Variants in CELF4 observed in about 807,000 individuals in gnomAD.
CELF4 encodes the protein CUG-BP- and ETR-3-like factor 4.
Under a neutral mutation model 59.9 loss-of-function variants are expected in CELF4, and 18 were observed. The ratio of observed to expected loss-of-function variants is 0.30; its 90% confidence interval spans 0.21 to 0.45. The LOEUF (loss-of-function observed/expected upper bound fraction) is 0.45, where lower values mean the gene tolerates loss of function less well. Ranked by LOEUF, CELF4 falls within the 20% of genes least tolerant of loss-of-function variation. The pLI is 1.00. For missense variants in CELF4, 456 were observed against 689.0 expected (o/e 0.66, Z 3.79); for synonymous variants, 261 against 267.1 (o/e 0.98, Z 0.22).
intron 10 of CELF4, among the ~76,000 whole-genome samples, chr18:37,262,606 C>T (rs2075411377): frequency 6.6e-6 from 1 of 152,040 alleles, no homozygotes; most frequent in Non-Finnish European, 1.5e-5. Context: ...AAGGGTGGGG[C>T]AGGATTTAGA....
At chr18:37,464,395 C>G (rs769882071) in intron 2 of CELF4, among the ~76,000 whole-genome samples, 1 of 152,194 alleles carries the variant, frequency 6.6e-6, no homozygotes, top group African/African-American at 2.4e-5. Flanking sequence ...AGACTCCCAT[C>G]GATGCCTAGC....
At chr18:37,370,243 G>A (rs966675207) in intron 2 of CELF4, among the ~76,000 whole-genome samples, 5 of 152,146 alleles carry the variant, frequency 3.3e-5, no homozygotes, top group African/African-American at 7.2e-5. Flanking sequence ...TCCCGAGCCC[G>A]AGGGGAAGGA....
chr18:37,362,554 G>A (rs2154560728), intron 2 of CELF4, among the ~76,000 whole-genome samples: 1 of 152,186 alleles, frequency 6.6e-6, no homozygotes, highest in East Asian at 1.9e-4. Flanking sequence ...TGCCGGGCTG[G>A]GCACCCTTCT....
chr18:37,559,908 C>T (rs4799456), intron 1 of CELF4, among the ~76,000 whole-genome samples: 150,293 of 152,318 alleles, frequency 0.99, 74,180 homozygotes, highest in Middle Eastern at 1. Context: ...CTCAGAACTT[C>T]ACTACATGAG....
chr18:37,540,323 TG>T (rs1161172216), intron 1 of CELF4, among the ~76,000 whole-genome samples: 2 of 152,264 alleles, frequency 1.3e-5, no homozygotes, highest in Admixed American at 1.3e-4. Context: ...ATCTCTCATT[TG>T]TAAGTAAAAC....
intron 2 of CELF4, among the ~76,000 whole-genome samples, chr18:37,366,531 C>T (rs2098786325): frequency 6.6e-6 from 1 of 152,188 alleles, no homozygotes; most frequent in Non-Finnish European, 1.5e-5. Flanking sequence ...CCCATTCTTC[C>T]CCACACTCCG....
At chr18:37,335,560 CTGTGTAAG>C (rs1393069333) in intron 2 of CELF4, among the ~76,000 whole-genome samples, 1 of 151,262 alleles carries the variant, frequency 6.6e-6, no homozygotes, top group Non-Finnish European at 1.5e-5. Context: ...GATGTGCGTG[CTGTGTAAG>C]TGTGGGAGTG....
chr18:37,390,094 G>A (rs1157647828), intron 2 of CELF4, among the ~76,000 whole-genome samples: 1 of 152,212 alleles, frequency 6.6e-6, no homozygotes, highest in East Asian at 1.9e-4. Context: ...TGGCCCCTCT[G>A]CCCCTGCTAG....
chr18:37,421,543 G>C (rs2099578117), intron 2 of CELF4, among the ~76,000 whole-genome samples: 1 of 104,746 alleles, frequency 9.5e-6, no homozygotes, highest in Non-Finnish European at 2.2e-5. Context: ...CCCTGTCCTT[G>C]ATTGTGTCAT....
intron 2 of CELF4, among the ~76,000 whole-genome samples, chr18:37,389,253 A>G (rs2099131607): frequency 6.6e-6 from 1 of 152,022 alleles, no homozygotes; most frequent in Non-Finnish European, 1.5e-5. Flanking sequence ...TACTGATACC[A>G]ATCTCCTTCA....
intron 2 of CELF4, among the ~76,000 whole-genome samples, chr18:37,406,538 G>A (rs1306942978): frequency 6.6e-6 from 1 of 152,212 alleles, no homozygotes; most frequent in Admixed American, 6.5e-5. Context: ...GTGAGGACCT[G>A]CATGATAAAT....
chr18:37,560,933 C>G lies in CELF4; in HGVS notation c.286+4423G>C, dbSNP rs186331756. 2.6e-5 allele frequency among the ~76,000 whole-genome samples: 4 copies of G among 152,326 alleles called. No homozygotes were observed. The East Asian group carries it at 5.8e-4, about 22-fold the overall frequency. Reference sequence around the variant, plus strand: ...TTTTATGAAGATGGTCACAAATCAGCAAAACATATTCATATCCCCGTCCTT... The same window carrying G: ...TTTTATGAAGATGGTCACAAATCAGGAAAACATATTCATATCCCCGTCCTT... On this transcript the variant is annotated intron_variant, in intron 1 of 12. Coordinates refer to ENST00000420428, the MANE Select transcript of CELF4 (RefSeq NM_020180.4).
intron 2 of CELF4, among the ~76,000 whole-genome samples, chr18:37,448,003 C>T (rs927717140): frequency 1.3e-5 from 2 of 152,216 alleles, no homozygotes; most frequent in Non-Finnish European, 1.5e-5. Flanking sequence ...CGTATCTCTC[C>T]TCAGAGCCAC....
intron 3 of CELF4, among the ~76,000 whole-genome samples, chr18:37,319,735 T>C (rs1239022405): frequency 6.6e-6 from 1 of 152,190 alleles, no homozygotes; most frequent in African/African-American, 2.4e-5. Flanking sequence ...TTCTGAGAAA[T>C]GAGGGGGAGA....
intron 2 of CELF4, among the ~76,000 whole-genome samples, chr18:37,399,998 G>A (rs1228015909): frequency 1.3e-5 from 2 of 152,160 alleles, no homozygotes; most frequent in South Asian, 2.1e-4. Context: ...GAGATTGTTG[G>A]TTTTATGTAT....
chr18:37,471,542 G>C (rs996350459), intron 2 of CELF4, among the ~76,000 whole-genome samples: 1 of 152,052 alleles, frequency 6.6e-6, no homozygotes, highest in Non-Finnish European at 1.5e-5. Context: ...GACATCTGGA[G>C]CCCCCTCCAT....
intron 2 of CELF4, 114 bp from the exon 3 acceptor site, chr18:37,321,995 G>A (rs1015352954): frequency 4.3e-6 from 3 of 699,092 alleles, no homozygotes; most frequent in Non-Finnish European, 4.6e-6. Flanking sequence ...CCACAGACAC[G>A]CGCTCCCACA....
Position 37,254,246 on chromosome 18 carries a change from C to T in CELF4, c.1334-308G>A, listed in dbSNP as rs1568959088. ...GCGGCGCTGGGAGAGGCGCCCGCCCCCCACCCCCGCCGGCCCCGGCACCTC... is the reference window on the plus strand; with the variant it reads ...GCGGCGCTGGGAGAGGCGCCCGCCCTCCACCCCCGCCGGCCCCGGCACCTC... On this transcript the variant is annotated intron_variant, in intron 11 of 12. Coordinates refer to ENST00000420428, the MANE Select transcript of CELF4 (RefSeq NM_020180.4). The surrounding 1 kb of genome is among the most constrained non-coding windows in gnomAD (Gnocchi z 5.1). Among the ~76,000 whole-genome samples, 1 of 151,406 alleles carries T rather than the reference C, an allele frequency of 6.6e-6. No individual in the cohort carries two copies. Among genetic ancestry groups the T allele is most frequent in the African/African-American group, 2.4e-5 (1 of 41,360 alleles).
At chr18:37,274,712 C>T in intron 5 of CELF4, 93 bp downstream of exon 5, 1 of 1,515,524 alleles carries the variant, frequency 6.6e-7, no homozygotes, top group Non-Finnish European at 8.8e-7. Flanking sequence ...TTTCCTGTCT[C>T]TTGGGGAGAC....
Sources: gnomAD v4.1 joint callset for allele counts (sites outside exome capture counted in the v4.1 genomes callset) on GRCh38, gnomAD v4.1.1 for gene constraint, Gnocchi (gnomAD v3.1) non-coding constraint, MANE v1.5 for transcripts, NCBI Gene and HGNC (gene_info 2026-07-23, HGNC 2026-07-21) for gene names.